The following TRAPPC9 variants were observed in gnomAD, a reference collection of about 807,000 sequenced individuals.
The protein encoded by TRAPPC9 is IKK2 binding protein.
In TRAPPC9, 83 loss-of-function variants were observed where a neutral mutation model predicts 124.0. The ratio of observed to expected loss-of-function variants is 0.67; its 90% confidence interval spans 0.56 to 0.80. TRAPPC9 has a LOEUF of 0.80. TRAPPC9 is among the 30% of genes least tolerant of loss of function. The pLI, the probability that TRAPPC9 is intolerant of heterozygous loss-of-function variation, is 0.00. For missense variants in TRAPPC9, 1,302 were observed against 1,508.3 expected, an observed-to-expected ratio of 0.86 and a Z score of 2.27; for synonymous variants, 638 against 617.5, an observed-to-expected ratio of 1.03 and a Z score of -0.49.
At chr8:139,934,713 G>A (rs945806162) in intron 19 of TRAPPC9, among the ~76,000 whole-genome samples, 4 of 152,178 alleles carry the variant, frequency 2.6e-5, no homozygotes, top group African/African-American at 2.4e-5. Context: ...GGGAAGGCGC[G>A]CCCTTCTGAT....
chr8:139,827,528 G>A (rs1586931878), intron 21 of TRAPPC9, among the ~76,000 whole-genome samples: 1 of 152,188 alleles, frequency 6.6e-6, no homozygotes, highest in Non-Finnish European at 1.5e-5. Flanking sequence ...TGGCTTCCCC[G>A]GGAGCTGGGA....
intron 21 of TRAPPC9, among the ~76,000 whole-genome samples, chr8:139,792,784 C>T (rs1172631630): frequency 6.6e-6 from 1 of 152,248 alleles, no homozygotes; most frequent in African/African-American, 2.4e-5. Flanking sequence ...CTGCACCCCA[C>T]CTGGAGCAAT....
intron 2 of TRAPPC9, among the ~76,000 whole-genome samples, chr8:140,450,213 T>A (rs2132698782): frequency 6.6e-6 from 1 of 152,044 alleles, no homozygotes. Flanking sequence ...ATACAAAACT[T>A]AGCCAGGCAT....
At chr8:140,274,033 T>C (rs1232440788) in intron 15 of TRAPPC9, among the ~76,000 whole-genome samples, 2 of 152,072 alleles carry the variant, frequency 1.3e-5, no homozygotes, top group Non-Finnish European at 2.9e-5. Flanking sequence ...GTGATCTCCT[T>C]GGGGCTGAAG....
intron 17 of TRAPPC9, among the ~76,000 whole-genome samples, chr8:140,202,476 T>C (rs1487815313): frequency 1.3e-5 from 2 of 152,174 alleles, no homozygotes; most frequent in Non-Finnish European, 2.9e-5. Context: ...TCCTGGGTAA[T>C]TAAATAGCCC....
chr8:140,356,084 C>T (rs1001893467), intron 9 of TRAPPC9, among the ~76,000 whole-genome samples: 3 of 152,136 alleles, frequency 2.0e-5, no homozygotes, highest in African/African-American at 7.2e-5. Context: ...TGGAGAAAAA[C>T]GCTGACACTG....
At chr8:139,798,891 G>A (rs1160040023) in intron 21 of TRAPPC9, among the ~76,000 whole-genome samples, 2 of 152,156 alleles carry the variant, frequency 1.3e-5, no homozygotes, top group South Asian at 2.1e-4. Flanking sequence ...AGGTGTCGGC[G>A]GGGCTGTACT....
chr8:139,876,434 G>A (rs946241935), intron 21 of TRAPPC9, among the ~76,000 whole-genome samples: 1 of 152,258 alleles, frequency 6.6e-6, no homozygotes, highest in Non-Finnish European at 1.5e-5. Flanking sequence ...TCCCAGGAAG[G>A]CGGCAGCTGG....
intron 19 of TRAPPC9, among the ~76,000 whole-genome samples, chr8:139,978,806 C>G (rs1014148368): frequency 3.9e-5 from 6 of 152,196 alleles, no homozygotes; most frequent in Non-Finnish European, 5.9e-5. Context: ...ATTCTCACTC[C>G]CCGCTGGACA....
At chr8:140,452,210 G>T (rs541224348) in intron 1 of TRAPPC9, among the ~76,000 whole-genome samples, 1 of 151,460 alleles carries the variant, frequency 6.6e-6, no homozygotes, top group Non-Finnish European at 1.5e-5. Flanking sequence ...CACAAGGTCA[G>T]AAGATCGAGA....
At chr8:140,115,420 C>A (rs1283905328) in intron 17 of TRAPPC9, among the ~76,000 whole-genome samples, 2 of 152,090 alleles carry the variant, frequency 1.3e-5, no homozygotes, top group African/African-American at 4.8e-5. Context: ...GTTCCTGACA[C>A]CACACCTGGC....
intron 4 of TRAPPC9, among the ~76,000 whole-genome samples, chr8:140,427,704 C>T (rs2070480260): frequency 6.6e-6 from 1 of 151,988 alleles, no homozygotes; most frequent in African/African-American, 2.4e-5. Flanking sequence ...AAGGTATGTC[C>T]CAATAATCTT....
At chr8:139,857,660 C>T (rs778890977) in intron 21 of TRAPPC9, among the ~76,000 whole-genome samples, 1 of 152,196 alleles carries the variant, frequency 6.6e-6, no homozygotes, top group Admixed American at 6.5e-5. Context: ...AGCATGGGGC[C>T]GTCTGACCAC....
At chr8:139,868,556 G>A (rs1374863312) in intron 21 of TRAPPC9, among the ~76,000 whole-genome samples, 1 of 152,068 alleles carries the variant, frequency 6.6e-6, no homozygotes, top group African/African-American at 2.4e-5. Flanking sequence ...TATGATTTTG[G>A]GAAATATAAA....
chr8:140,238,550 T>A (rs2063778251), intron 16 of TRAPPC9: 1 of 152,198 alleles, frequency 6.6e-6, no homozygotes, highest in Admixed American at 6.5e-5. Flanking sequence ...AATATAACGC[T>A]GGGCAGGCTG....
At position 139,885,884 on chromosome 8, in the gene TRAPPC9, T is replaced by C. The variant is rs1294680638; in HGVS notation, c.3050A>G (p.Gln1017Arg). Residue 1017 changes from glutamine (Q) to arginine (R), a missense_variant, in exon 21 of 23, where the codon CAG (glutamine) becomes CGG (arginine). Coordinates refer to ENST00000438773, the MANE Select transcript of TRAPPC9 (RefSeq NM_001160372.4). The part of the protein sequence containing the change: ...VLEHLQLAPL[Q>R]WDVLVDGQPC... ...GGTGGCTGGCGGGTACTCACCCCAC[T>C]GCAGAGGCGCCAGCTGCAGGTGCTC... 6.4e-7 allele frequency: 1 copy of C among 1,563,314 alleles called. No individual in the cohort carries two copies. The highest frequency in any genetic ancestry group is 8.7e-7 in the Non-Finnish European group (1 of 1,153,206).
intron 14 of TRAPPC9, among the ~76,000 whole-genome samples, chr8:140,281,939 C>G (rs2131697833): frequency 6.6e-6 from 1 of 152,312 alleles, no homozygotes; most frequent in Non-Finnish European, 1.5e-5. Context: ...TCCCCCAGCA[C>G]ATGGGACCTC....
At chr8:140,145,653 C>T (rs2061451204) in intron 17 of TRAPPC9, among the ~76,000 whole-genome samples, 1 of 152,026 alleles carries the variant, frequency 6.6e-6, no homozygotes, top group African/African-American at 2.4e-5. Context: ...TTTATTTTAT[C>T]TCGGGCAGAT....
intron 17 of TRAPPC9, among the ~76,000 whole-genome samples, chr8:140,169,482 A>G (rs1232277860): frequency 1.3e-5 from 2 of 152,160 alleles, no homozygotes; most frequent in Non-Finnish European, 2.9e-5. Flanking sequence ...ATGCACACAC[A>G]TGTTCACAGT....
Sources: gnomAD v4.1 joint callset for allele counts (sites outside exome capture counted in the v4.1 genomes callset) on GRCh38, gnomAD v4.1.1 for gene constraint, MANE v1.5 for transcripts, NCBI Gene and HGNC (gene_info 2026-07-23, HGNC 2026-07-21) for gene names.